Variants in STPG2 observed in about 807,000 individuals in gnomAD.
STPG2 encodes the protein sperm-tail PG-rich repeat-containing protein 2.
Under a neutral mutation model 54.2 loss-of-function variants are expected in STPG2, and 56 were observed. That is an observed-to-expected ratio of 1.03 (90% CI 0.83 to 1.29). STPG2 has a LOEUF of 1.29. Among genes scored for constraint, STPG2 ranks in the 50% most tolerant of loss-of-function variants. STPG2 has a pLI of 0.00. For synonymous variants in STPG2, 200 were observed against 181.8 expected (o/e 1.10, Z -0.81); for missense variants, 596 against 544.9 (o/e 1.09, Z -0.93).
chr4:98,012,853 G>T (rs1735801881), intron 5 of STPG2, among the ~76,000 whole-genome samples: 1 of 152,198 alleles, frequency 6.6e-6, no homozygotes, highest in South Asian at 2.1e-4. Context: ...TTTTGGGGTT[G>T]AGATGATAGG....
Position 97,712,777 on chromosome 4 carries a change from G to A in STPG2, c.1242C>T (p.Cys414=), listed in dbSNP as rs1455864713. Residue 414 remains cysteine (C), a synonymous_variant, in exon 10 of 11, where the codon TGC becomes TGT. Transcript: ENST00000295268. ...ATGCTTTCACAAATAAGGGTATGGG[G>A]CAAGATTTCCTTAAAACAGGATTGT... ...AAYNPVLRKS[C]PIPLFVKASK... 8.1e-6 allele frequency: 13 copies of A among 1,607,562 alleles called. No individual in the cohort carries two copies. The highest frequency in any genetic ancestry group is 3.4e-5 in the Admixed American group (2 of 59,598).
chr4:97,897,075 T>A (rs1441056767), intron 8 of STPG2, among the ~76,000 whole-genome samples: 1 of 151,840 alleles, frequency 6.6e-6, no homozygotes, highest in Non-Finnish European at 1.5e-5. Flanking sequence ...CACCTTTCAA[T>A]AAGCCCCAGT....
At chr4:97,466,737 A>T (rs999691538) in intron 4 of STPG2, among the ~76,000 whole-genome samples, 3 of 152,080 alleles carry the variant, frequency 2.0e-5, no homozygotes, top group Non-Finnish European at 2.9e-5. Context: ...CATAGCAGAA[A>T]TATAAGAACA....
At chr4:97,935,061 G>A (rs747219255) in intron 8 of STPG2, among the ~76,000 whole-genome samples, 5 of 151,968 alleles carry the variant, frequency 3.3e-5, no homozygotes, top group Admixed American at 6.6e-5. Context: ...TCAAGGATTC[G>A]ACTTCTTCCT....
intron 7 of STPG2, among the ~76,000 whole-genome samples, chr4:97,962,344 A>G (rs1733922179): frequency 6.6e-6 from 1 of 152,222 alleles, no homozygotes; most frequent in Admixed American, 6.5e-5. Flanking sequence ...CTAGTCCCCA[A>G]TAGCCTGTGG....
chr4:97,712,870 T>A, intron 9 of STPG2, 56 bp from the exon 10 acceptor site: 1 of 1,279,480 alleles, frequency 7.8e-7, no homozygotes, highest in Non-Finnish European at 1.1e-6. Context: ...ATTATTGATT[T>A]TGGTCATATG....
At chr4:98,143,005 GCCTGT>G in intron 1 of STPG2, 32 bp downstream of exon 1, 1 of 1,550,616 alleles carries the variant, frequency 6.4e-7, no homozygotes, top group Non-Finnish European at 8.8e-7. Context: ...AAGATAGGAT[GCCTGT>G]CACAGGAGCT....
At chr4:97,761,274 G>C (rs1182893756) in intron 9 of STPG2, among the ~76,000 whole-genome samples, 1 of 152,146 alleles carries the variant, frequency 6.6e-6, no homozygotes, top group African/African-American at 2.4e-5. Context: ...AGTGGGGTAA[G>C]ACAGGCCCTT....
chr4:98,104,542 G>C (rs190557873), intron 5 of STPG2, among the ~76,000 whole-genome samples: 45 of 152,036 alleles, frequency 3.0e-4, no homozygotes, highest in Admixed American at 5.2e-4. Flanking sequence ...TAAGCAAAGC[G>C]TTTATTTTAT....
At chr4:97,801,148 G>A (rs930281396) in intron 9 of STPG2, among the ~76,000 whole-genome samples, 8 of 152,086 alleles carry the variant, frequency 5.3e-5, no homozygotes, top group South Asian at 2.1e-4. Flanking sequence ...GCAATGCCTC[G>A]CCCTGCCTCA....
chr4:97,845,718 A>G (rs1728929596), intron 8 of STPG2, among the ~76,000 whole-genome samples: 1 of 152,200 alleles, frequency 6.6e-6, no homozygotes, highest in African/African-American at 2.4e-5. Context: ...TCTGCATTAA[A>G]TTTCAGAAAT....
chr4:97,747,626 G>T (rs1725458899), intron 9 of STPG2, among the ~76,000 whole-genome samples: 1 of 151,074 alleles, frequency 6.6e-6, no homozygotes, highest in Non-Finnish European at 1.5e-5. Context: ...ACATTCTTGG[G>T]AGTATCTTTT....
At chr4:97,947,450 A>G (rs957573288) in intron 7 of STPG2, among the ~76,000 whole-genome samples, 1 of 151,846 alleles carries the variant, frequency 6.6e-6, no homozygotes, top group Non-Finnish European at 1.5e-5. Flanking sequence ...TGCTGAATGG[A>G]AAGTGGTGAA....
intron 10 of STPG2, among the ~76,000 whole-genome samples, chr4:97,586,281 A>G (rs1300823715): frequency 6.6e-6 from 1 of 151,932 alleles, no homozygotes; most frequent in Non-Finnish European, 1.5e-5. Flanking sequence ...ACACTAAGCA[A>G]TAAGAAAAAT....
At position 97,716,697 on chromosome 4, in the gene STPG2, G is replaced by C. The variant is rs1453330448; in HGVS notation, c.1205-3883C>G. On this transcript the variant is annotated intron_variant, in intron 9 of 10. Transcript: ENST00000295268. ...GGGAACATCACACACTGGAGGCTGTGGGGGTGGGGGGTGGAAGGCTAGGGG... is the reference window on the plus strand; with the variant it reads ...GGGAACATCACACACTGGAGGCTGTCGGGGTGGGGGGTGGAAGGCTAGGGG... Among the ~76,000 whole-genome samples the C allele has an allele frequency of 4.6e-5, 7 of 151,484 alleles. No individual in the cohort carries two copies. In the East Asian group the frequency reaches 1.4e-3, roughly 30 times the overall value.
intron 9 of STPG2, among the ~76,000 whole-genome samples, chr4:97,778,445 T>A (rs1489034186): frequency 6.6e-6 from 1 of 152,166 alleles, no homozygotes; most frequent in Non-Finnish European, 1.5e-5. Flanking sequence ...AAGCTTGTAC[T>A]GGGTGGAGCC....
intron 8 of STPG2, among the ~76,000 whole-genome samples, chr4:97,924,230 A>G (rs1050167063): frequency 1.3e-5 from 2 of 152,192 alleles, no homozygotes; most frequent in African/African-American, 4.8e-5. Flanking sequence ...AAGAACTGTA[A>G]CACTCACCGC....
At chr4:97,955,381 A>AT (rs763779319) in intron 7 of STPG2, among the ~76,000 whole-genome samples, 4 of 151,896 alleles carry the variant, frequency 2.6e-5, no homozygotes, top group Non-Finnish European at 4.4e-5. Context: ...TGCCTGGCTA[A>AT]TTTTTTTGTA....
intron 9 of STPG2, among the ~76,000 whole-genome samples, chr4:97,761,167 C>A (rs1488340736): frequency 3.3e-5 from 5 of 152,108 alleles, no homozygotes; most frequent in South Asian, 4.1e-4. Flanking sequence ...TTGTGCCCCC[C>A]AAAAAAATAC....
Sources: allele counts gnomAD v4.1 joint callset (sites outside exome capture counted in the v4.1 genomes callset), GRCh38; gene constraint gnomAD v4.1.1; transcripts MANE v1.5; gene names NCBI Gene and HGNC (gene_info 2026-07-23, HGNC 2026-07-21).